Variants in SNRPF observed in about 807,000 individuals in gnomAD.
SNRPF encodes the protein small nuclear ribonucleoprotein F.
In SNRPF, 1 loss-of-function variant was observed where a neutral mutation model predicts 13.4. That is an observed-to-expected ratio of 0.07 (90% CI 0.03 to 0.35). The LOEUF (loss-of-function observed/expected upper bound fraction) is 0.35, where lower values mean the gene tolerates loss of function less well. Ranked by LOEUF, SNRPF falls within the 10% of genes least tolerant of loss-of-function variation. The pLI is 0.99. For missense variants in SNRPF, 53 were observed against 101.0 expected, an observed-to-expected ratio of 0.52 and a Z score of 2.04; for synonymous variants, 27 against 32.1, an observed-to-expected ratio of 0.84 and a Z score of 0.54.
At chr12:95,859,308 C>T (rs1346749341) in intron 1 of SNRPF, among the ~76,000 whole-genome samples, 3 of 152,062 alleles carry the variant, frequency 2.0e-5, no homozygotes, top group African/African-American at 7.2e-5. Flanking sequence ...GAATCCGGGC[C>T]TGGGGTATTC....
rs2079513466 is a variant in SNRPF, at chr12:95,864,830, G to A, written c.130-494G>A. ...AGATTGAGGCAGGAGGAGCCCAGGTGTTCAAGGTTTTGGTCAGCTATGATT... is the reference window on the plus strand; with the variant it reads ...AGATTGAGGCAGGAGGAGCCCAGGTATTCAAGGTTTTGGTCAGCTATGATT... On this transcript the variant is annotated intron_variant, in intron 2 of 3. Transcript: ENST00000266735. 3.9e-5 allele frequency among the ~76,000 whole-genome samples: 6 copies of A among 152,232 alleles called. No individual in the cohort carries two copies. The South Asian group carries it at 1.0e-3, about 26-fold the overall frequency.
intron 2 of SNRPF, 51 bp downstream of exon 2, chr12:95,861,344 C>G (rs759464468): frequency 1.3e-6 from 2 of 1,547,228 alleles, no homozygotes. Flanking sequence ...TTTGCTTCAC[C>G]TTATTTCTCA....
In SNRPF at chr12:95,858,989, G is replaced by T. The variant is rs1461299825; in HGVS notation, c.-85G>T. The T allele has an allele frequency of 6.3e-6, 10 of 1,592,104 alleles. No individual in the cohort carries two copies. The highest frequency in any genetic ancestry group is 2.7e-5 in the African/African-American group (2 of 74,680). ...CATTTCTCTTGAAACTGCGGCTCGG[G>T]ACCTGCGGTACCTGCTGTAGTCACG... On this transcript the variant is annotated 5_prime_UTR_variant, in exon 1 of 4. Coordinates refer to ENST00000266735, the MANE Select transcript of SNRPF (RefSeq NM_003095.5).
chr12:95,860,852 C>CATTT (rs760765775), intron 1 of SNRPF, among the ~76,000 whole-genome samples: 1 of 96,564 alleles, frequency 1.0e-5, no homozygotes, highest in Non-Finnish European at 2.0e-5. Flanking sequence ...ACCTGGCCCG[C>CATTT]TTTTTTTTTT....
intron 1 of SNRPF, among the ~76,000 whole-genome samples, chr12:95,860,780 C>T (rs185628913): frequency 6.6e-6 from 1 of 151,258 alleles, no homozygotes; most frequent in African/African-American, 2.4e-5. Context: ...GAACTCGTGA[C>T]CTCAAGTGAT....
intron 2 of SNRPF, among the ~76,000 whole-genome samples, chr12:95,863,516 T>C (rs1267733930): frequency 6.6e-6 from 1 of 152,248 alleles, no homozygotes; most frequent in Non-Finnish European, 1.5e-5. Flanking sequence ...ACCATATTGA[T>C]ACCAGTGTTT....
intron 2 of SNRPF, among the ~76,000 whole-genome samples, chr12:95,862,170 A>G (rs1004859758): frequency 6.6e-6 from 1 of 152,068 alleles, no homozygotes; most frequent in Non-Finnish European, 1.5e-5. Context: ...GTATTATTCA[A>G]GGTTCATCCA....
intron 2 of SNRPF, among the ~76,000 whole-genome samples, chr12:95,863,922 G>T (rs1427677216): frequency 6.6e-6 from 1 of 152,166 alleles, no homozygotes; most frequent in Non-Finnish European, 1.5e-5. Context: ...AGAAAGTTAG[G>T]TTAAAATGGC....
chr12:95,860,026 G>A (rs1038944966), intron 1 of SNRPF, among the ~76,000 whole-genome samples: 1 of 152,210 alleles, frequency 6.6e-6, no homozygotes, highest in African/African-American at 2.4e-5. Context: ...GGGGTTAGTA[G>A]CCAAGTTTCT....
At chr12:95,865,439 T>C (rs367827783) in intron 3 of SNRPF, 51 bp downstream of exon 3, 3 of 836,102 alleles carry the variant, frequency 3.6e-6, no homozygotes, top group Non-Finnish European at 6.1e-6. Flanking sequence ...GCATTAGGAA[T>C]ACCTGTTCTA....
intron 1 of SNRPF, among the ~76,000 whole-genome samples, chr12:95,859,326 G>A (rs2079482583): frequency 6.6e-6 from 1 of 152,070 alleles, no homozygotes; most frequent in African/African-American, 2.4e-5. Flanking sequence ...TTCTTAGTTG[G>A]GGCTATAGGG....
intron 1 of SNRPF, 111 bp downstream of exon 1, chr12:95,859,187 C>T: frequency 1.0e-6 from 1 of 954,648 alleles, no homozygotes; most frequent in Middle Eastern, 2.3e-4. Flanking sequence ...GCGTGAGGCG[C>T]CGCGCACCCT....
At chr12:95,862,982 T>C (rs1343391900) in intron 2 of SNRPF, among the ~76,000 whole-genome samples, 1 of 152,206 alleles carries the variant, frequency 6.6e-6, no homozygotes, top group East Asian at 1.9e-4. Context: ...TTTTGCACAT[T>C]TAAAAAATTA....
chr12:95,865,269 A>G, intron 2 of SNRPF, 55 bp from the exon 3 acceptor site: 1 of 846,648 alleles, frequency 1.2e-6, no homozygotes, highest in Non-Finnish European at 2.0e-6. Context: ...TATTAGCTGT[A>G]TTGTAATATT....
At chr12:95,859,196 C>A in intron 1 of SNRPF, 120 bp downstream of exon 1, 2 of 843,182 alleles carry the variant, frequency 2.4e-6, no homozygotes, top group Admixed American at 2.0e-5. Flanking sequence ...GCCGCGCACC[C>A]TGTCGCCAGC....
intron 1 of SNRPF, among the ~76,000 whole-genome samples, chr12:95,859,977 C>T (rs2079487188): frequency 6.6e-6 from 1 of 152,036 alleles, no homozygotes; most frequent in Non-Finnish European, 1.5e-5. Flanking sequence ...TTGGAGTAAT[C>T]GCCATATCAA....
At chr12:95,859,742 G>C (rs747426465) in intron 1 of SNRPF, among the ~76,000 whole-genome samples, 1 of 152,162 alleles carries the variant, frequency 6.6e-6, no homozygotes, top group South Asian at 2.1e-4. Context: ...CCACTTGCGC[G>C]AATAGTGGTT....
At chr12:95,862,154 C>T (rs969333320) in intron 2 of SNRPF, among the ~76,000 whole-genome samples, 2 of 152,082 alleles carry the variant, frequency 1.3e-5, no homozygotes, top group African/African-American at 4.8e-5. Context: ...TTTGACTTAA[C>T]GTAGTGTATT....
Position 95,861,257 on chromosome 12 carries a change from C to T in SNRPF, c.93C>T (p.Gly31=), listed in dbSNP as rs1432863837. ...TTAAGTGGGGAATGGAGTACAAGGG[C>T]TATCTGGTATCTGTAGATGGCTACA... ...VKLKWGMEYK[G]YLVSVDGYMN... The change falls in exon 2 of 4, where the codon GGC becomes GGT. Residue 31 remains glycine, a synonymous_variant. Transcript: ENST00000266735. 1 of 1,612,082 alleles carries T rather than the reference C, an allele frequency of 6.2e-7. No individual in the cohort carries two copies. Among genetic ancestry groups the T allele is most frequent in the Non-Finnish European group, 8.5e-7 (1 of 1,178,774 alleles).
Sources: allele counts gnomAD v4.1 joint callset (sites outside exome capture counted in the v4.1 genomes callset), GRCh38; gene constraint gnomAD v4.1.1; transcripts MANE v1.5; gene names NCBI Gene and HGNC (gene_info 2026-07-23, HGNC 2026-07-21).